The following MYH10 variants were observed in gnomAD, a reference collection of about 807,000 sequenced individuals.
MYH10 encodes the protein myosin heavy chain 10, also known as myosin-10.
MYH10 carries 55 observed loss-of-function variants against 257.8 expected under a neutral mutation model. The observed-to-expected ratio is 0.21, with a 90% CI of 0.17 to 0.27. The LOEUF (loss-of-function observed/expected upper bound fraction) is 0.27, where lower values mean the gene tolerates loss of function less well. Ranked by LOEUF, MYH10 falls within the 10% of genes least tolerant of loss-of-function variation. MYH10 has a pLI of 1.00. For missense variants in MYH10, 1,631 were observed against 2,500.6 expected (o/e 0.65, Z 7.42); for synonymous variants, 854 against 921.7 (o/e 0.93, Z 1.33).
In MYH10 at chr17:8,587,587, G is replaced by A. The variant is rs1050413696; in HGVS notation, c.530+1494C>T. On this transcript the variant is annotated intron_variant, in intron 4 of 42. Coordinates refer to ENST00000360416, the MANE Select transcript of MYH10 (RefSeq NM_001256012.3). Reference sequence around the variant, plus strand: ...TGGCCCGTCACTGGAGAAGAGTCGCGCCCCCCACTAGGACCTCACTGTGCC... The same window carrying A: ...TGGCCCGTCACTGGAGAAGAGTCGCACCCCCCACTAGGACCTCACTGTGCC... 6.6e-5 allele frequency among the ~76,000 whole-genome samples: 10 copies of A among 151,806 alleles called. No individual in the cohort carries two copies. In the South Asian group the frequency reaches 8.4e-4, roughly 13 times the overall value.
chr17:8,475,959 C>T lies in MYH10; in HGVS notation c.5880-11G>A, dbSNP rs1032595855. Reference sequence around the variant, plus strand: ...ATGGGGCCACCCCGCCTGGAGAACACAGGAAGCAGATGTGTGTGGGTAAAC... The same window carrying T: ...ATGGGGCCACCCCGCCTGGAGAACATAGGAAGCAGATGTGTGTGGGTAAAC... On this transcript the variant is annotated splice_polypyrimidine_tract_variant and intron_variant, in intron 42 of 42. Coordinates refer to ENST00000360416, the MANE Select transcript of MYH10 (RefSeq NM_001256012.3). 1.2e-6 allele frequency: 2 copies of T among 1,610,664 alleles called. No homozygotes were observed. The highest frequency in any genetic ancestry group is 1.7e-6 in the Non-Finnish European group (2 of 1,179,254).
At chr17:8,629,293 T>G (rs1568005068) in intron 1 of MYH10, among the ~76,000 whole-genome samples, 1 of 152,126 alleles carries the variant, frequency 6.6e-6, no homozygotes, top group Non-Finnish European at 1.5e-5. Context: ...AACAGCAGTC[T>G]TTGTTTCATC....
chr17:8,498,676 T>A (rs1410986079), intron 30 of MYH10, among the ~76,000 whole-genome samples: 1 of 151,688 alleles, frequency 6.6e-6, no homozygotes, highest in African/African-American at 2.4e-5. Flanking sequence ...TGAAACCCCG[T>A]CTCTACTAAA....
rs554200795 is a variant in MYH10 at position 8,474,907 on chromosome 17, G to A, written c.*897C>T. On this transcript the variant is annotated 3_prime_UTR_variant, in exon 43 of 43. Transcript: ENST00000360416. ...ATTCCCATTTTGGGCTCAAAGCAGC[G>A]GCTGAATTTGCAAGGTCAGCATGAG... 8 of 152,802 alleles carry A rather than the reference G, an allele frequency of 5.2e-5. No homozygotes were observed. Among genetic ancestry groups the A allele is most frequent in the Non-Finnish European group, 1.0e-4 (7 of 68,088 alleles). 9.5% of individuals were successfully genotyped at this position (152,802 alleles called of 1,614,324 possible). A position where few individuals can be genotyped will look rare whatever the true frequency, so the allele number is the denominator to read the frequency against.
At chr17:8,503,495 G>A (rs1277368141) in intron 28 of MYH10, among the ~76,000 whole-genome samples, 1 of 152,026 alleles carries the variant, frequency 6.6e-6, no homozygotes, top group African/African-American at 2.4e-5. Context: ...CCAGCACGGA[G>A]AGCCTCCCCA....
In MYH10 at chr17:8,553,916, C is replaced by T. The variant is rs747357819; in HGVS notation, c.820+39G>A. 3.9e-6 allele frequency: 6 copies of T among 1,545,830 alleles called. No homozygotes were observed. The Admixed American group carries it at 1.0e-4, about 26-fold the overall frequency. On this transcript the variant is annotated intron_variant, in intron 8 of 42. Coordinates refer to ENST00000360416, the MANE Select transcript of MYH10 (RefSeq NM_001256012.3). ...CATGGGGTTGTAGGAAGACTAAATC[C>T]TTCTTTATTTTGGATTATACATTTA... is the stretch of plus-strand genomic sequence containing the variant.
intron 11 of MYH10, among the ~76,000 whole-genome samples, chr17:8,548,051 G>C (rs1327175031): frequency 6.6e-6 from 1 of 151,960 alleles, no homozygotes; most frequent in African/African-American, 2.4e-5. Context: ...GTGACCTCCT[G>C]CGGCTGAGTT....
At chr17:8,558,698 A>G (rs1441330525) in intron 7 of MYH10, among the ~76,000 whole-genome samples, 1 of 152,212 alleles carries the variant, frequency 6.6e-6, no homozygotes, top group Non-Finnish European at 1.5e-5. Context: ...TTGCCTTTGC[A>G]TTGTCAGAAT....
At chr17:8,513,062 C>T (rs1481675925) in intron 23 of MYH10, among the ~76,000 whole-genome samples, 2 of 152,086 alleles carry the variant, frequency 1.3e-5, no homozygotes, top group Non-Finnish European at 2.9e-5. Context: ...CTATTATTGC[C>T]ACAACAAACA....
chr17:8,544,988 G>A (rs910249243), intron 13 of MYH10, among the ~76,000 whole-genome samples: 3 of 152,174 alleles, frequency 2.0e-5, no homozygotes, highest in African/African-American at 7.2e-5. Flanking sequence ...TGGCCCCCTT[G>A]ATGGTCTCTC....
rs1347672895 is a variant in MYH10 at position 8,477,932 on chromosome 17, C to T, written c.5706+406G>A. ...CTCACTCGGGTGCAGCGTGCAGTAC[C>T]TTTGTCTTCCCTTCACTTTCTATTC... On this transcript the variant is annotated intron_variant, in intron 41 of 42. Coordinates refer to ENST00000360416, the MANE Select transcript of MYH10 (RefSeq NM_001256012.3). This position sits in a 1 kb window ranked among gnomAD's most constrained non-coding sequence, Gnocchi z 4.2. 1.3e-5 allele frequency among the ~76,000 whole-genome samples: 2 copies of T among 152,168 alleles called. No homozygotes were observed. Among genetic ancestry groups the T allele is most frequent in the Non-Finnish European group, 2.9e-5 (2 of 68,018 alleles).
Position 8,513,637 on chromosome 17 carries a change from C to T in MYH10, c.2646G>A (p.Glu882=). The change falls in exon 23 of 43, where the codon GAG becomes GAA. Residue 882 remains glutamate, a synonymous_variant. Coordinates refer to ENST00000360416, the MANE Select transcript of MYH10 (RefSeq NM_001256012.3). ...VKPLLQVTRQ[E]EELQAKDEEL... ...CTTCATCTTTGGCCTGAAGTTCTTCCTCCTGGCGAGTCACTTGTAGAAGCG... is the reference window on the plus strand; with the variant it reads ...CTTCATCTTTGGCCTGAAGTTCTTCTTCCTGGCGAGTCACTTGTAGAAGCG... The T allele has an allele frequency of 1.2e-6, 2 of 1,614,086 alleles. No individual in the cohort carries two copies. Among genetic ancestry groups the T allele is most frequent in the Non-Finnish European group, 1.7e-6 (2 of 1,180,032 alleles).
chr17:8,555,936 A>G (rs958592006), intron 7 of MYH10, among the ~76,000 whole-genome samples: 3 of 152,256 alleles, frequency 2.0e-5, no homozygotes, highest in Non-Finnish European at 4.4e-5. Flanking sequence ...TTATATTTCA[A>G]TAGTAGGACA....
intron 2 of MYH10, among the ~76,000 whole-genome samples, chr17:8,618,664 A>G (rs2085354675): frequency 6.6e-6 from 1 of 152,222 alleles, no homozygotes; most frequent in Admixed American, 6.5e-5. Flanking sequence ...CTTTTTACCC[A>G]TGCATGATTT....
In MYH10 at chr17:8,610,271, C is replaced by CAAAAAAAAAAAAAAAAA. The variant is rs71361810; in HGVS notation, c.346-5306_346-5290dup. Among the ~76,000 whole-genome samples the CAAAAAAAAAAAAAAAAA allele has an allele frequency of 9.1e-3, 420 of 45,966 alleles. 109 individuals carry two copies. Among genetic ancestry groups the CAAAAAAAAAAAAAAAAA allele is most frequent in the Non-Finnish European group, 0.012 (328 of 28,214 alleles). 30.2% of individuals were successfully genotyped at this position (45,966 alleles called of 152,430 possible). ...GTTTATAGGGAGCACCATAGGATTGCAAAAAAAAAAAAAAAAAAAAAGGGT... is the reference window on the plus strand; with the variant it reads ...GTTTATAGGGAGCACCATAGGATTGCAAAAAAAAAAAAAAAAAAAAAAAAAAAAAAAAAAAAAAGGGT... On this transcript the variant is annotated intron_variant, in intron 2 of 42. Coordinates refer to ENST00000360416, the MANE Select transcript of MYH10 (RefSeq NM_001256012.3).
intron 30 of MYH10, among the ~76,000 whole-genome samples, chr17:8,497,391 A>AC (rs2151833736): frequency 6.6e-6 from 1 of 152,334 alleles, no homozygotes; most frequent in Non-Finnish European, 1.5e-5. Context: ...AACCACAGTC[A>AC]GCCCTTCCTA....
chr17:8,614,510 G>A (rs1159968480), intron 2 of MYH10, among the ~76,000 whole-genome samples: 3 of 151,500 alleles, frequency 2.0e-5, no homozygotes, highest in Non-Finnish European at 4.4e-5. Flanking sequence ...GTAGAGACAG[G>A]GTTTCACCAT....
At chr17:8,540,087 T>A (rs1045335225) in intron 14 of MYH10, among the ~76,000 whole-genome samples, 1 of 152,166 alleles carries the variant, frequency 6.6e-6, no homozygotes, top group Admixed American at 6.5e-5. Context: ...CCTCCTGGGT[T>A]TAAGTGATTC....
intron 9 of MYH10, among the ~76,000 whole-genome samples, chr17:8,549,775 T>A (rs1208722316): frequency 2.6e-5 from 4 of 152,164 alleles, no homozygotes; most frequent in African/African-American, 9.6e-5. Context: ...GCTGCTGCCA[T>A]CTCGGCTCGC....
Sources: allele counts gnomAD v4.1 joint callset (sites outside exome capture counted in the v4.1 genomes callset), GRCh38; gene constraint gnomAD v4.1.1; non-coding constraint Gnocchi (gnomAD v3.1); transcripts MANE v1.5; gene names NCBI Gene and HGNC (gene_info 2026-07-23, HGNC 2026-07-21).